The following LHPP variants were observed in gnomAD, a reference collection of about 807,000 sequenced individuals.
LHPP encodes phospholysine phosphohistidine inorganic pyrophosphate phosphatase, also known as hLHPP.
A neutral mutation model predicts 30.3 loss-of-function variants in LHPP; 24 were observed. The ratio of observed to expected loss-of-function variants is 0.79; its 90% CI spans 0.57 to 1.11. The LOEUF is 1.11. LHPP is among the 50% of genes most tolerant of loss of function. LHPP has a pLI of 0.00. For missense variants in LHPP, 356 were observed against 367.2 expected (o/e 0.97, Z 0.25); for synonymous variants, 150 against 157.1 (o/e 0.95, Z 0.34).
Position 124,568,251 on chromosome 10 carries a change from C to T in LHPP, c.717-45013C>T, listed in dbSNP as rs774358155. Among the ~76,000 whole-genome samples the T allele has an allele frequency of 3.3e-5, 5 of 152,208 alleles. No homozygotes were observed. The South Asian group carries it at 1.0e-3, about 32-fold the overall frequency. ...TTTAATTTTATTGAAGAATAACATA[C>T]CTACGGAGCCGTGTGCATATCATAA... On this transcript the variant is annotated intron_variant, in intron 6 of 6. Coordinates refer to ENST00000368842, the MANE Select transcript of LHPP (RefSeq NM_022126.4).
In LHPP at chr10:124,592,408, C is replaced by T. The variant is rs1413995150; in HGVS notation, c.717-20856C>T. On this transcript the variant is annotated intron_variant, in intron 6 of 6. Coordinates refer to ENST00000368842, the MANE Select transcript of LHPP (RefSeq NM_022126.4). This position sits in a 1 kb window ranked among gnomAD's most constrained non-coding sequence, Gnocchi z 6.2. ...CTTAAAGCACACTGGACCTAGGGCT[C>T]AGGTTTGAGCTTTCATGATGAGACC... Among the ~76,000 whole-genome samples, 1 of 152,216 alleles carries T rather than the reference C, an allele frequency of 6.6e-6. No individual in the cohort carries two copies. Among genetic ancestry groups the T allele is most frequent in the Non-Finnish European group, 1.5e-5 (1 of 68,040 alleles).
In LHPP at chr10:124,510,271, G is replaced by A. The variant is rs773894829; in HGVS notation, c.625-6909G>A. Among the ~76,000 whole-genome samples the A allele has an allele frequency of 3.3e-5, 5 of 152,152 alleles. No homozygotes were observed. Among genetic ancestry groups the A allele is most frequent in the African/African-American group, 7.2e-5 (3 of 41,416 alleles). On this transcript the variant is annotated intron_variant, in intron 5 of 6. Transcript: ENST00000368842. This position sits in a 1 kb window ranked among gnomAD's most constrained non-coding sequence, Gnocchi z 4.0. Reference sequence around the variant, plus strand: ...TTTGGCAATAATTGCTCCTCCTTGCGTGATTATTGCCCTTCACCGATAGTA... The same window carrying A: ...TTTGGCAATAATTGCTCCTCCTTGCATGATTATTGCCCTTCACCGATAGTA...
At chr10:124,567,960 T>G (rs1220978996) in intron 6 of LHPP, among the ~76,000 whole-genome samples, 1 of 152,242 alleles carries the variant, frequency 6.6e-6, no homozygotes, top group Non-Finnish European at 1.5e-5. Context: ...GTCGCCAGGC[T>G]GGAGTGCAGT....
At chr10:124,525,190 G>A (rs370177472) in intron 6 of LHPP, among the ~76,000 whole-genome samples, 2 of 152,126 alleles carry the variant, frequency 1.3e-5, no homozygotes, top group Non-Finnish European at 2.9e-5. Context: ...CTTGTTCATC[G>A]TGTCCTCTGT....
At chr10:124,481,291 T>G (rs565646713) in intron 1 of LHPP, among the ~76,000 whole-genome samples, 1 of 151,960 alleles carries the variant, frequency 6.6e-6, no homozygotes, top group South Asian at 2.1e-4. Context: ...GCCACCTTTT[T>G]GTAGTAGCTG....
chr10:124,512,652 T>A (rs1401164291), intron 5 of LHPP, among the ~76,000 whole-genome samples: 4 of 149,244 alleles, frequency 2.7e-5, no homozygotes, highest in Admixed American at 2.0e-4. Flanking sequence ...TTAGGTAATG[T>A]ATTATGTCCT....
intron 6 of LHPP, among the ~76,000 whole-genome samples, chr10:124,583,802 T>C (rs1281654978): frequency 6.6e-6 from 1 of 152,142 alleles, no homozygotes; most frequent in Non-Finnish European, 1.5e-5. Context: ...AGGATTACAA[T>C]TCAACGTGAG....
intron 6 of LHPP, among the ~76,000 whole-genome samples, chr10:124,551,703 G>A (rs575412888): frequency 7.9e-5 from 12 of 152,110 alleles, no homozygotes; most frequent in African/African-American, 2.7e-4. Context: ...TGAGACCCGC[G>A]GGCTTGGCCG....
chr10:124,513,974 C>T (rs1263596381), intron 5 of LHPP, among the ~76,000 whole-genome samples: 4 of 152,154 alleles, frequency 2.6e-5, no homozygotes, highest in Admixed American at 6.5e-5. Flanking sequence ...CACAGCCAGC[C>T]GTGCCGTAAT....
intron 2 of LHPP, among the ~76,000 whole-genome samples, chr10:124,485,764 C>A (rs1564780578): frequency 6.6e-6 from 1 of 152,014 alleles, no homozygotes; most frequent in East Asian, 1.9e-4. Context: ...CCACGCCCGC[C>A]TAATTTTTGT....
chr10:124,559,974 A>G (rs746788335), intron 6 of LHPP, among the ~76,000 whole-genome samples: 13 of 152,234 alleles, frequency 8.5e-5, no homozygotes, highest in African/African-American at 1.2e-4. Flanking sequence ...TGGGCAAGAC[A>G]GCAGCTTTCA....
intron 6 of LHPP, among the ~76,000 whole-genome samples, chr10:124,571,029 G>A (rs1417211090): frequency 1.3e-5 from 2 of 152,212 alleles, no homozygotes; most frequent in Non-Finnish European, 1.5e-5. Context: ...CACAAGATCA[G>A]ATGGTTTTAA....
intron 6 of LHPP, among the ~76,000 whole-genome samples, chr10:124,610,008 A>G (rs1384471134): frequency 6.6e-6 from 1 of 152,204 alleles, no homozygotes. Flanking sequence ...TCTGCTGTGT[A>G]CATACTTAGG....
intron 6 of LHPP, chr10:124,554,080 G>A (rs1948242891): frequency 4.3e-5 from 42 of 985,368 alleles, no homozygotes; most frequent in Non-Finnish European, 5.1e-5. Flanking sequence ...TGGTCAGCCT[G>A]GGCTGCCTGG....
chr10:124,575,630 C>G (rs1948647779), intron 6 of LHPP, among the ~76,000 whole-genome samples: 1 of 152,122 alleles, frequency 6.6e-6, no homozygotes, highest in African/African-American at 2.4e-5. Context: ...GAGCAGAGAC[C>G]TCTGTAGGCG....
chr10:124,527,724 T>C (rs1442129194), intron 6 of LHPP, among the ~76,000 whole-genome samples: 1 of 151,792 alleles, frequency 6.6e-6, no homozygotes, highest in Non-Finnish European at 1.5e-5. Context: ...TGAGACCCAG[T>C]CCCCTGCCGC....
intron 3 of LHPP, among the ~76,000 whole-genome samples, chr10:124,489,261 T>C (rs1953438824): frequency 6.6e-6 from 1 of 152,222 alleles, no homozygotes; most frequent in Admixed American, 6.5e-5. Context: ...GTCCCTATTT[T>C]GGTGTATGTC....
At position 124,559,003 on chromosome 10, in the gene LHPP, G is replaced by A. The variant is rs374491263; in HGVS notation, c.716+41732G>A. ...AAGACACAGCTGGCTTCCTGCACCC[G>A]GGACAGCCCCAGTGGCCAGGCCTGG... is the stretch of plus-strand genomic sequence containing the variant. On this transcript the variant is annotated intron_variant, in intron 6 of 6. Coordinates refer to ENST00000368842, the MANE Select transcript of LHPP (RefSeq NM_022126.4). 2.4e-4 allele frequency among the ~76,000 whole-genome samples: 37 copies of A among 152,274 alleles called. No individual in the cohort carries two copies. The East Asian group carries it at 2.9e-3, about 12-fold the overall frequency.
intron 6 of LHPP, among the ~76,000 whole-genome samples, chr10:124,546,417 T>G (rs11245279): frequency 0.17 from 25,593 of 152,164 alleles, 2,490 homozygotes; most frequent in African/African-American, 0.26. Context: ...TTGTTTGTTT[T>G]TTTGAGACGG....
Sources: gnomAD v4.1 joint callset for allele counts (sites outside exome capture counted in the v4.1 genomes callset) on GRCh38, gnomAD v4.1.1 for gene constraint, Gnocchi (gnomAD v3.1) non-coding constraint, MANE v1.5 for transcripts, NCBI Gene and HGNC (gene_info 2026-07-23, HGNC 2026-07-21) for gene names.